The following PFKFB1 variants were observed in gnomAD, a reference collection of about 807,000 sequenced individuals.
PFKFB1 encodes the protein 6-phosphofructo-2-kinase/fructose-2,6-biphosphatase 1.
PFKFB1 carries 34 observed loss-of-function variants against 46.4 expected under a neutral mutation model. That is an observed-to-expected ratio of 0.73 (90% confidence interval 0.56 to 0.98). The LOEUF (loss-of-function observed/expected upper bound fraction) is 0.98, where lower values mean the gene tolerates loss of function less well. PFKFB1 is among the 50% of genes least tolerant of loss of function. The pLI is 0.00. For missense variants in PFKFB1, 393 were observed against 376.3 expected (o/e 1.04, Z -0.37); for synonymous variants, 119 against 133.8 (o/e 0.89, Z 0.76).
At chrX:54,945,083 G>A (rs1933760305) in intron 10 of PFKFB1, among the ~76,000 whole-genome samples, 1 of 112,055 alleles carries the variant, frequency 8.9e-6, no homozygotes. Context: ...ACAGGCTGGA[G>A]CTTTAGGCAA....
At chrX:54,969,531 T>C (rs1473571618) in intron 1 of PFKFB1, among the ~76,000 whole-genome samples, 6 of 111,815 alleles carry the variant, frequency 5.4e-5, no homozygotes, top group African/African-American at 2.0e-4. Flanking sequence ...CAGCACAAAA[T>C]AGATTAAGAT....
chrX:54,945,858 A>G (rs1045830571), intron 9 of PFKFB1, among the ~76,000 whole-genome samples: 5 of 110,865 alleles, frequency 4.5e-5, no homozygotes, highest in African/African-American at 1.6e-4. Context: ...TACATTATAC[A>G]TATAAGTATG....
At chrX:54,973,681 T>C (rs1180707035) in intron 1 of PFKFB1, among the ~76,000 whole-genome samples, 2 of 111,452 alleles carry the variant, frequency 1.8e-5, no homozygotes, top group East Asian at 5.6e-4. Context: ...GAGTTCTAGT[T>C]TGATTGCACT....
intron 5 of PFKFB1, 151 bp downstream of exon 5, chrX:54,958,700 C>A: frequency 2.2e-6 from 1 of 452,002 alleles, no homozygotes. Flanking sequence ...TGCTTTGCTG[C>A]TTCTGACTAT....
intron 8 of PFKFB1, among the ~76,000 whole-genome samples, chrX:54,950,742 C>A (rs1398408124): frequency 8.9e-6 from 1 of 112,349 alleles, no homozygotes; most frequent in African/African-American, 3.2e-5. Flanking sequence ...GAGGGAGTCA[C>A]AGGTCAGCGT....
intron 12 of PFKFB1, 76 bp from the exon 13 acceptor site, chrX:54,933,961 C>A: frequency 1.3e-6 from 1 of 768,814 alleles, no homozygotes; most frequent in Non-Finnish European, 2.0e-6. Flanking sequence ...CACCTCCCCT[C>A]CCCCATCACC....
chrX:54,992,430 G>A (rs1935264462), intron 1 of PFKFB1, among the ~76,000 whole-genome samples: 1 of 111,637 alleles, frequency 9.0e-6, no homozygotes, highest in Non-Finnish European at 1.9e-5. Flanking sequence ...AGCCAAGAGA[G>A]GTTAAGAGAG....
At chrX:54,962,104 C>T (rs1449323706) in intron 2 of PFKFB1, among the ~76,000 whole-genome samples, 2 of 110,841 alleles carry the variant, frequency 1.8e-5, no homozygotes, top group Non-Finnish European at 3.8e-5. Flanking sequence ...ACTCTGGAGG[C>T]CTTTGAGAGA....
In PFKFB1 at chrX:54,951,019, C is replaced by T. The variant is rs756112991; in HGVS notation, c.846+886G>A. Among the ~76,000 whole-genome samples, 7 of 113,237 alleles carry T rather than the reference C, an allele frequency of 6.2e-5. No homozygotes were observed. In the East Asian group the frequency reaches 8.4e-4, roughly 14 times the overall value. The stretch of plus-strand genomic sequence containing the variant: ...GTGAAGATGAAATGAGCCACACATG[C>T]GGAAGCAGATGGCACCGTGACTGTG... On this transcript the variant is annotated intron_variant, in intron 8 of 13. Transcript: ENST00000375006.
intron 10 of PFKFB1, among the ~76,000 whole-genome samples, chrX:54,943,089 T>C (rs1933696796): frequency 8.9e-6 from 1 of 112,017 alleles, no homozygotes; most frequent in African/African-American, 3.2e-5. Flanking sequence ...ATAAATTGTC[T>C]GAGAGTTTTC....
chrX:54,994,987 T>G, upstream of PFKFB1: 1 of 293,065 alleles, frequency 3.4e-6, no homozygotes, highest in Non-Finnish European at 4.6e-6. Flanking sequence ...TTCACTAAAG[T>G]TCCTCATGCC....
intron 11 of PFKFB1, 124 bp downstream of exon 11, chrX:54,937,471 T>C (rs1390532535): frequency 3.3e-6 from 2 of 613,954 alleles, no homozygotes; most frequent in African/African-American, 4.5e-5. Flanking sequence ...AGAGAAAGAA[T>C]CTGAACCTAG....
At chrX:54,991,537 C>G (rs867182696) in intron 1 of PFKFB1, among the ~76,000 whole-genome samples, 135 of 98,472 alleles carry the variant, frequency 1.4e-3, no homozygotes, top group African/African-American at 4.5e-3. Flanking sequence ...CTCTCTCTCT[C>G]TCTGTGTGTG....
intron 1 of PFKFB1, among the ~76,000 whole-genome samples, chrX:54,980,819 T>G (rs1421085937): frequency 9.0e-6 from 1 of 110,584 alleles, no homozygotes; most frequent in Non-Finnish European, 1.9e-5. Flanking sequence ...GCAAAAGCTA[T>G]AATTGGAATT....
chrX:54,951,806 G>A, intron 8 of PFKFB1, 99 bp downstream of exon 8: 7 of 664,477 alleles, frequency 1.1e-5, no homozygotes, highest in Non-Finnish European at 1.6e-5. Context: ...CCATCCCTGG[G>A]TCATTCCACC....
chrX:54,945,470 T>C lies in PFKFB1; in HGVS notation c.1067A>G (p.Asp356Gly). The C allele has an allele frequency of 8.3e-7, 1 of 1,202,518 alleles. No individual in the cohort carries two copies. The highest frequency in any genetic ancestry group is 1.1e-6 in the Non-Finnish European group (1 of 887,959). The change falls in exon 10 of 14, where the codon GAT becomes GGT. Residue 356 changes from aspartate to glycine, a missense_variant. Asp to Gly is a moderately conservative substitution (Grantham distance 94). Coordinates refer to ENST00000375006, the MANE Select transcript of PFKFB1 (RefSeq NM_002625.4). The part of the protein sequence containing the change: ...YPEEFALRDQ[D>G]KYRYRYPKGE... ...CTTGGGATAGCGGTAGCGATATTTA[T>C]CTTGGTCTCGCAGTGCAAATTCTTC...
chrX:54,973,500 A>T (rs931365813), intron 1 of PFKFB1, among the ~76,000 whole-genome samples: 2 of 109,159 alleles, frequency 1.8e-5, no homozygotes, highest in Non-Finnish European at 3.8e-5. Flanking sequence ...TTCCCTCTAC[A>T]CACTGCTTTG....
At position 54,933,366 on chromosome X, in the gene PFKFB1, G is replaced by A. The variant is rs756995743; in HGVS notation, c.*37C>T. The stretch of plus-strand genomic sequence containing the variant: ...ATAGCATTTCCTAAAGGTGGAAGGC[G>A]ATGAGGACACAGGCAGTTTGACTTC... On this transcript the variant is annotated 3_prime_UTR_variant, in exon 14 of 14. Coordinates refer to ENST00000375006, the MANE Select transcript of PFKFB1 (RefSeq NM_002625.4). The A allele has an allele frequency of 1.6e-5, 18 of 1,109,113 alleles. No homozygotes were observed. In the Admixed American group the frequency reaches 2.4e-4, roughly 15 times the overall value. 91.4% of individuals were successfully genotyped at this position (1,109,113 alleles called of 1,213,427 possible).
At chrX:54,954,012 G>T (rs1040470712) in intron 7 of PFKFB1, among the ~76,000 whole-genome samples, 8 of 111,623 alleles carry the variant, frequency 7.2e-5, no homozygotes, top group Non-Finnish European at 7.5e-5. Context: ...ATTTAGAGGT[G>T]TTCCACACCA....
Sources: gnomAD v4.1 joint callset for allele counts (sites outside exome capture counted in the v4.1 genomes callset) on GRCh38, gnomAD v4.1.1 for gene constraint, MANE v1.5 for transcripts, NCBI Gene and HGNC (gene_info 2026-07-23, HGNC 2026-07-21) for gene names.